Variants in C10orf143 observed in about 807,000 individuals in gnomAD.
C10orf143 encodes uncharacterized protein C10orf143.
At chr10:130,090,552 C>G (rs776088760) in intron 1 of C10orf143, among the ~76,000 whole-genome samples, 113 of 152,122 alleles carry the variant, frequency 7.4e-4, no homozygotes, top group Non-Finnish European at 1.4e-3. Flanking sequence ...CCTGGAACAC[C>G]AGTGAGACAG....
chr10:130,052,248 C>G (rs538244401), intron 3 of C10orf143, among the ~76,000 whole-genome samples: 1 of 152,064 alleles, frequency 6.6e-6, no homozygotes, highest in Non-Finnish European at 1.5e-5. Flanking sequence ...ATGGGGGTCA[C>G]ATGCTGCTCT....
intron 3 of C10orf143, among the ~76,000 whole-genome samples, chr10:130,043,055 G>T (rs1860626097): frequency 6.6e-6 from 1 of 152,304 alleles, no homozygotes; most frequent in Non-Finnish European, 1.5e-5. Context: ...TGGGTGAGGG[G>T]CGTGGAGGCT....
intron 1 of C10orf143, among the ~76,000 whole-genome samples, chr10:130,102,335 C>T (rs893548792): frequency 6.6e-6 from 1 of 152,128 alleles, no homozygotes; most frequent in Non-Finnish European, 1.5e-5. Context: ...AGCCGAAGTG[C>T]AGTGGCGCCA....
At chr10:130,082,051 G>T (rs1445235940) in intron 1 of C10orf143, among the ~76,000 whole-genome samples, 4 of 151,872 alleles carry the variant, frequency 2.6e-5, no homozygotes, top group African/African-American at 9.7e-5. Flanking sequence ...ATTAAACACA[G>T]TGGCACACAA....
chr10:130,101,350 T>TG, intron 1 of C10orf143: 1 of 151,984 alleles, frequency 6.6e-6, no homozygotes, highest in East Asian at 1.9e-4. Flanking sequence ...TGAGAGCACG[T>TG]GATGAGCAGT....
chr10:130,110,819 C>G lies in C10orf143; in HGVS notation c.-47G>C, dbSNP rs555704412. ...CCCGGCATCTCAGGCCTGGCCGAGGCCCGCGCACCACGCCCCCTTCCGCAC... is the reference window on the plus strand; with the variant it reads ...CCCGGCATCTCAGGCCTGGCCGAGGGCCGCGCACCACGCCCCCTTCCGCAC... On this transcript the variant is annotated 5_prime_UTR_variant, in exon 1 of 4. Transcript: ENST00000637128. 2.5e-6 allele frequency: 1 copy of G among 398,860 alleles called. No homozygotes were observed. The highest frequency in any genetic ancestry group is 3.6e-5 in the East Asian group (1 of 28,072). The allele number at this position is 398,860 out of a possible 1,614,324, so 24.7% of individuals were successfully genotyped here.
intron 3 of C10orf143, among the ~76,000 whole-genome samples, chr10:130,043,499 C>G (rs1860630621): frequency 6.6e-6 from 1 of 152,206 alleles, no homozygotes; most frequent in Admixed American, 6.5e-5. Flanking sequence ...CTGGGCAGCT[C>G]AGCAACTTTG....
intron 1 of C10orf143, among the ~76,000 whole-genome samples, chr10:130,082,966 C>G (rs1861232961): frequency 1.3e-5 from 2 of 151,450 alleles, no homozygotes; most frequent in South Asian, 4.2e-4. Context: ...GCCAAACAAA[C>G]AAAAAAATCC....
chr10:130,081,771 T>C (rs1377062941), intron 1 of C10orf143, among the ~76,000 whole-genome samples: 1 of 2,130 alleles, frequency 4.7e-4, no homozygotes, highest in Non-Finnish European at 8.2e-4. Context: ...CATATCAGAA[T>C]CCATGAAATA....
intron 3 of C10orf143, among the ~76,000 whole-genome samples, chr10:130,069,618 T>A (rs554157487): frequency 6.6e-3 from 144 of 21,956 alleles, no homozygotes; most frequent in South Asian, 0.015. Flanking sequence ...TCTGGAAAAT[T>A]TTTTTTTTAA....
intron 3 of C10orf143, among the ~76,000 whole-genome samples, chr10:130,039,149 C>T (rs539812865): frequency 6.6e-6 from 1 of 151,618 alleles, no homozygotes; most frequent in South Asian, 2.1e-4. Flanking sequence ...GTGACACTAG[C>T]CCAGCCAGTG....
intron 3 of C10orf143, among the ~76,000 whole-genome samples, chr10:130,055,515 C>A (rs555212311): frequency 6.6e-6 from 1 of 152,144 alleles, no homozygotes; most frequent in Admixed American, 6.5e-5. Context: ...GCAGTGATTG[C>A]CCCAGGCATT....
At chr10:130,074,371 A>T (rs1422492992) in intron 3 of C10orf143, among the ~76,000 whole-genome samples, 1 of 152,194 alleles carries the variant, frequency 6.6e-6, no homozygotes, top group African/African-American at 2.4e-5. Context: ...ATGATCAATG[A>T]AGTTCCCGTT....
intron 1 of C10orf143, among the ~76,000 whole-genome samples, chr10:130,086,129 G>C (rs553888607): frequency 6.6e-6 from 1 of 152,218 alleles, no homozygotes; most frequent in South Asian, 2.1e-4. Context: ...CATGTAACTA[G>C]CAGAGTAGAA....
chr10:130,071,728 A>G lies in C10orf143; in HGVS notation c.298-7345T>C, dbSNP rs1590017602. On this transcript the variant is annotated intron_variant, in intron 3 of 3. Coordinates refer to ENST00000637128, the MANE Select transcript of C10orf143 (RefSeq NM_001355042.2). ...CCGCAACCTCTGCCTCCTGGATTCA[A>G]GAGATTCTCCTGCCTCAGCCTCCCG... Among the ~76,000 whole-genome samples the G allele has an allele frequency of 2.0e-5, 3 of 152,270 alleles. No individual in the cohort carries two copies. In the East Asian group the frequency reaches 5.8e-4, roughly 29 times the overall value.
At chr10:130,063,720 A>G (rs917062874), downstream of C10orf143, among the ~76,000 whole-genome samples, 3 of 152,198 alleles carry the variant, frequency 2.0e-5, no homozygotes, top group Non-Finnish European at 4.4e-5. Flanking sequence ...ACATCTCAGG[A>G]AGCTTTCAAA....
At chr10:130,046,824 C>T (rs145942140) in intron 3 of C10orf143, among the ~76,000 whole-genome samples, 72 of 152,366 alleles carry the variant, frequency 4.7e-4, no homozygotes, top group Admixed American at 1.6e-3. Flanking sequence ...CTAGGCCTAA[C>T]TCTCCCAGGA....
chr10:130,107,792 C>T (rs759337806), intron 1 of C10orf143: 6 of 1,242,824 alleles, frequency 4.8e-6, no homozygotes, highest in African/African-American at 2.9e-5. Flanking sequence ...GTTAACCGAT[C>T]CTCACAGGTC....
In C10orf143 at chr10:130,065,318, C is replaced by T. The variant is rs957019631; in HGVS notation, c.298-935G>A. 3 of 152,216 alleles carry T rather than the reference C, an allele frequency of 2.0e-5. No individual in the cohort carries two copies. Among genetic ancestry groups the T allele is most frequent in the Non-Finnish European group, 2.9e-5 (2 of 68,076 alleles). The allele number at this position is 152,216 out of a possible 1,614,324, so 9.4% of individuals were successfully genotyped here. A position where few individuals can be genotyped will look rare whatever the true frequency, so the allele number is the denominator to read the frequency against. On this transcript the variant is annotated intron_variant, in intron 3 of 3. Transcript: ENST00000637128. This position sits in a 1 kb window ranked among gnomAD's most constrained non-coding sequence, Gnocchi z 4.2. The stretch of plus-strand genomic sequence containing the variant: ...GAAATGCTACAGGAGCCAGGGAAGA[C>T]AGCACGTGACCCTACCTGGTGAGGG...
Sources: gnomAD v4.1 joint callset for allele counts (sites outside exome capture counted in the v4.1 genomes callset) on GRCh38, gnomAD v4.1.1 for gene constraint, Gnocchi (gnomAD v3.1) non-coding constraint, MANE v1.5 for transcripts, NCBI Gene and HGNC (gene_info 2026-07-23, HGNC 2026-07-21) for gene names.